IFNGR2: variants seen among roughly 807,000 people sequenced by gnomAD.
The protein encoded by IFNGR2 is IFN-gamma receptor 2.
In IFNGR2, 15 loss-of-function variants were observed where a neutral mutation model predicts 41.1. The ratio of observed to expected loss-of-function variants is 0.37; its 90% CI spans 0.24 to 0.56. The LOEUF (loss-of-function observed/expected upper bound fraction) is 0.56, where lower values mean the gene tolerates loss of function less well. Among genes scored for constraint, IFNGR2 ranks in the 20% least tolerant of loss-of-function variants. The probability of loss-of-function intolerance (pLI) is 0.81; values close to 1 mark genes in which losing one functional copy is unlikely to be tolerated. For missense variants in IFNGR2, 362 were observed against 415.7 expected, an observed-to-expected ratio of 0.87 and a Z score of 1.12; for synonymous variants, 161 against 171.6, an observed-to-expected ratio of 0.94 and a Z score of 0.48.
chr21:33,436,185 G>A (rs1024515143), intron 6 of IFNGR2, among the ~76,000 whole-genome samples: 13 of 147,440 alleles, frequency 8.8e-5, no homozygotes, highest in East Asian at 6.3e-4. Flanking sequence ...GGGAAACCCC[G>A]TCTCTACTTA....
At chr21:33,429,971 T>C (rs1312640549) in intron 4 of IFNGR2, among the ~76,000 whole-genome samples, 3 of 152,146 alleles carry the variant, frequency 2.0e-5, no homozygotes, top group Non-Finnish European at 2.9e-5. Flanking sequence ...AAAACCCATC[T>C]CTACTAAAAA....
intron 4 of IFNGR2, among the ~76,000 whole-genome samples, chr21:33,431,970 G>T (rs1016884907): frequency 6.6e-6 from 1 of 152,238 alleles, no homozygotes; most frequent in South Asian, 2.1e-4. Flanking sequence ...CAGAAACACA[G>T]TTCTAAAGCT....
At chr21:33,410,871 A>G (rs1339382164) in intron 1 of IFNGR2, 2 of 1,548,014 alleles carry the variant, frequency 1.3e-6, no homozygotes, top group East Asian at 2.4e-5. Context: ...AGAATGGTGC[A>G]ATGATTCAGC....
At chr21:33,413,149 G>A (rs2083728844) in intron 1 of IFNGR2, among the ~76,000 whole-genome samples, 2 of 152,200 alleles carry the variant, frequency 1.3e-5, no homozygotes, top group Admixed American at 6.6e-5. Context: ...TGACTGTGAG[G>A]GAGCATTGAC....
intron 2 of IFNGR2, among the ~76,000 whole-genome samples, chr21:33,415,471 T>C (rs545284921): frequency 6.6e-6 from 1 of 152,266 alleles, no homozygotes; most frequent in African/African-American, 2.4e-5. Flanking sequence ...CCATTTTGCA[T>C]ATTATCCTGG....
chr21:33,407,155 G>C (rs1259326230), intron 1 of IFNGR2, among the ~76,000 whole-genome samples: 1 of 151,954 alleles, frequency 6.6e-6, no homozygotes, highest in Non-Finnish European at 1.5e-5. Flanking sequence ...AGGAATTAAG[G>C]CTTCTATTTG....
At chr21:33,405,103 GAAAA>G (rs3057379) in intron 1 of IFNGR2, among the ~76,000 whole-genome samples, 67 of 119,800 alleles carry the variant, frequency 5.6e-4, no homozygotes, top group African/African-American at 6.2e-4. Context: ...CTCTGTCTCA[GAAAA>G]AAAAAAAAAA....
intron 4 of IFNGR2, among the ~76,000 whole-genome samples, chr21:33,431,111 T>C (rs911022905): frequency 6.6e-6 from 1 of 152,154 alleles, no homozygotes; most frequent in Non-Finnish European, 1.5e-5. Context: ...TAGGGTCCAG[T>C]TGTCTCCTGA....
intron 1 of IFNGR2, among the ~76,000 whole-genome samples, chr21:33,413,826 C>CTTTTTTTTTTTTTTT (rs3057381): frequency 3.2e-5 from 2 of 61,728 alleles, no homozygotes; most frequent in African/African-American, 6.9e-5. Flanking sequence ...GCCCCCTAAC[C>CTTTTTTTTTTTTTTT]TTTTTTTTTT....
intron 1 of IFNGR2, among the ~76,000 whole-genome samples, chr21:33,413,681 G>C (rs2083731801): frequency 1.3e-5 from 2 of 151,928 alleles, no homozygotes; most frequent in Non-Finnish European, 1.5e-5. Flanking sequence ...GTTTCTTCTA[G>C]GTCCCCGAAG....
At chr21:33,432,034 C>G (rs1159019627) in intron 4 of IFNGR2, 143 bp from the exon 5 acceptor site, 1 of 759,324 alleles carries the variant, frequency 1.3e-6, no homozygotes, top group African/African-American at 1.7e-5. Context: ...AATGTGTCCA[C>G]TGCCAGCCAG....
At position 33,437,048 on chromosome 21, in the gene IFNGR2, C is replaced by A; in HGVS notation, c.*86C>A. ...GAGTTCTGTCTGGACTTTCCAGAGA[C>A]CAGTATTCCCTTTTGCTGCCTCTAA... On this transcript the variant is annotated 3_prime_UTR_variant, in exon 7 of 7. Coordinates refer to ENST00000290219, the MANE Select transcript of IFNGR2 (RefSeq NM_005534.4). 7.0e-7 allele frequency: 1 copy of A among 1,423,206 alleles called. No homozygotes were observed. Among genetic ancestry groups the A allele is most frequent in the Non-Finnish European group, 9.9e-7 (1 of 1,012,980 alleles). 88.2% of individuals were successfully genotyped at this position (1,423,206 alleles called of 1,614,324 possible). A position where few individuals can be genotyped will look rare whatever the true frequency, so the allele number is the denominator to read the frequency against.
intron 1 of IFNGR2, among the ~76,000 whole-genome samples, chr21:33,409,992 AT>A (rs887768247): frequency 6.6e-6 from 1 of 150,456 alleles, no homozygotes; most frequent in Non-Finnish European, 1.5e-5. Flanking sequence ...AATAAGCTTC[AT>A]TTTTTTTTGT....
intron 2 of IFNGR2, among the ~76,000 whole-genome samples, chr21:33,418,048 A>T (rs2083765846): frequency 6.6e-6 from 1 of 152,034 alleles, no homozygotes; most frequent in African/African-American, 2.4e-5. Context: ...TTTGAGACAG[A>T]GTCTCGCTCT....
At position 33,406,387 on chromosome 21, in the gene IFNGR2, AAAAAG is replaced by A. The variant is rs377500996; in HGVS notation, c.73+2782_73+2786del. Among the ~76,000 whole-genome samples, 352 of 152,240 alleles carry A rather than the reference AAAAAG, an allele frequency of 2.3e-3. 1 individual carries two copies. Among genetic ancestry groups the A allele is most frequent in the South Asian group, 0.01 (50 of 4,824 alleles). On this transcript the variant is annotated intron_variant, in intron 1 of 6. Coordinates refer to ENST00000290219, the MANE Select transcript of IFNGR2 (RefSeq NM_005534.4). ...AAGACTCTGTCTCAAAAAAAGAAAA[AAAAAG>A]AAAAGAAAAGTAGTGTAGTGCTTTA...
At chr21:33,416,640 C>G (rs1190595954) in intron 2 of IFNGR2, among the ~76,000 whole-genome samples, 1 of 151,854 alleles carries the variant, frequency 6.6e-6, no homozygotes, top group Non-Finnish European at 1.5e-5. Flanking sequence ...GGCTAACACG[C>G]TGAAACCCTG....
Position 33,436,901 on chromosome 21 carries a change from A to C in IFNGR2, c.953A>C (p.Asp318Ala), listed in dbSNP as rs373255356. Residue 318 changes from aspartate (D) to alanine (A), a missense_variant, in exon 7 of 7, where the codon GAC becomes GCC. Physicochemically the swap from Asp to Ala is moderately radical, Grantham distance 126. Coordinates refer to ENST00000290219, the MANE Select transcript of IFNGR2 (RefSeq NM_005534.4). ...KDSSPKDDVW[D>A]SVSIISFPEK... ...AGCTCACCAAAGGATGACGTCTGGG[A>C]CTCTGTGTCCATTATCTCGTTTCCG... 1.2e-6 allele frequency: 2 copies of C among 1,613,776 alleles called. No individual in the cohort carries two copies. Among genetic ancestry groups the C allele is most frequent in the African/African-American group, 2.7e-5 (2 of 74,876 alleles).
chr21:33,436,779 A>C (rs754826092), intron 6 of IFNGR2, 49 bp from the exon 7 acceptor site: 1 of 1,526,556 alleles, frequency 6.6e-7, no homozygotes, highest in Non-Finnish European at 9.1e-7. Flanking sequence ...AAGGTCTGGT[A>C]TACTGAACTG....
chr21:33,427,522 G>A (rs2083848722), intron 4 of IFNGR2, among the ~76,000 whole-genome samples: 1 of 152,182 alleles, frequency 6.6e-6, no homozygotes, highest in Admixed American at 6.6e-5. Flanking sequence ...CGTGGCATAC[G>A]TGGAGAACTG....
Sources: gnomAD v4.1 joint callset for allele counts (sites outside exome capture counted in the v4.1 genomes callset) on GRCh38, gnomAD v4.1.1 for gene constraint, MANE v1.5 for transcripts, NCBI Gene and HGNC (gene_info 2026-07-23, HGNC 2026-07-21) for gene names.